Variants in RBFOX1 observed in about 807,000 individuals in gnomAD.
RBFOX1 encodes the protein RNA binding protein fox-1 homolog 1.
A neutral mutation model predicts 57.7 loss-of-function variants in RBFOX1; 8 were observed. The ratio of observed to expected loss-of-function variants is 0.14; its 90% CI spans 0.08 to 0.25. The LOEUF is 0.25. Among genes scored for constraint, RBFOX1 ranks in the 10% least tolerant of loss-of-function variants. The probability of loss-of-function intolerance (pLI) is 1.00; values close to 1 mark genes in which losing one functional copy is unlikely to be tolerated. For synonymous variants in RBFOX1, 326 were observed against 222.4 expected (o/e 1.47, Z -4.15); for missense variants, 611 against 548.5 (o/e 1.11, Z -1.14).
chr16:7,434,352 G>A (rs1158726897), intron 4 of RBFOX1, among the ~76,000 whole-genome samples: 2 of 151,980 alleles, frequency 1.3e-5, no homozygotes, highest in Non-Finnish European at 2.9e-5. Context: ...GGCGCCAGTA[G>A]TCCCAGCTAC....
At chr16:6,772,629 G>C (rs1488041010) in intron 3 of RBFOX1, among the ~76,000 whole-genome samples, 1 of 148,202 alleles carries the variant, frequency 6.7e-6, no homozygotes, top group African/African-American at 2.6e-5. Flanking sequence ...GTATGTGTGA[G>C]TGTGGGGTGC....
At chr16:6,741,389 G>A (rs577795161) in intron 3 of RBFOX1, among the ~76,000 whole-genome samples, 7 of 152,074 alleles carry the variant, frequency 4.6e-5, no homozygotes, top group Non-Finnish European at 8.8e-5. Context: ...TTGGCTGGAC[G>A]GGGTGGCTCA....
intron 1 of RBFOX1, among the ~76,000 whole-genome samples, chr16:6,136,211 A>T (rs1022629923): frequency 1.3e-5 from 2 of 152,094 alleles, no homozygotes; most frequent in African/African-American, 2.4e-5. Flanking sequence ...TTCGGAGGCG[A>T]TGTGTACTTG....
chr16:6,015,090 C>G (rs1174519639), upstream of RBFOX1, among the ~76,000 whole-genome samples: 1 of 152,140 alleles, frequency 6.6e-6, no homozygotes, highest in East Asian at 1.9e-4. Flanking sequence ...CTCCTAGGCT[C>G]AAGCAGTCTG....
chr16:7,036,839 G>A (rs1182408792), intron 3 of RBFOX1, among the ~76,000 whole-genome samples: 1 of 152,212 alleles, frequency 6.6e-6, no homozygotes, highest in Non-Finnish European at 1.5e-5. Context: ...CAGAGTGGAT[G>A]AAGGGCAGAG....
chr16:7,122,665 C>G (rs1017925666), intron 4 of RBFOX1, among the ~76,000 whole-genome samples: 2 of 151,988 alleles, frequency 1.3e-5, no homozygotes, highest in African/African-American at 4.8e-5. Context: ...TTTGACAGTC[C>G]GTTACAAAGT....
intron 2 of RBFOX1, among the ~76,000 whole-genome samples, chr16:5,597,395 C>CTTTT (rs35058375): frequency 7.9e-5 from 9 of 114,368 alleles, no homozygotes; most frequent in African/African-American, 2.4e-4. Flanking sequence ...AGCTTGCTGA[C>CTTTT]TTTTTTTTTT....
intron 11 of RBFOX1, among the ~76,000 whole-genome samples, chr16:7,644,884 C>G (rs1402053857): frequency 6.6e-6 from 1 of 152,136 alleles, no homozygotes; most frequent in African/African-American, 2.4e-5. Flanking sequence ...GATGTTTGAA[C>G]TGAGAACTGA....
chr16:6,042,239 T>C (rs1188717786), intron 1 of RBFOX1, among the ~76,000 whole-genome samples: 2 of 140,248 alleles, frequency 1.4e-5, no homozygotes, highest in Admixed American at 7.1e-5. Flanking sequence ...TAGCTGGGAC[T>C]ACAGGCACAC....
intron 4 of RBFOX1, among the ~76,000 whole-genome samples, chr16:7,436,308 C>G (rs1045230631): frequency 2.6e-5 from 4 of 152,166 alleles, no homozygotes; most frequent in Non-Finnish European, 4.4e-5. Context: ...TTCCCATCCT[C>G]TTTCATTGTA....
At chr16:6,404,651 T>C (rs1016405184) in intron 2 of RBFOX1, among the ~76,000 whole-genome samples, 15 of 152,108 alleles carry the variant, frequency 9.9e-5, no homozygotes, top group African/African-American at 3.6e-4. Flanking sequence ...GGACGCATCA[T>C]CCCTTCAGTG....
Position 6,340,232 on chromosome 16 carries a change from G to A in RBFOX1, c.-64+23175G>A, listed in dbSNP as rs144488413. 5.7e-4 allele frequency among the ~76,000 whole-genome samples: 87 copies of A among 152,202 alleles called. No individual in the cohort carries two copies. In the East Asian group the frequency reaches 0.014, roughly 24 times the overall value. ...TAAGGGGTCACGAAACAGGCCGTCC[G>A]ACTATCTGCAGCAAGGGGACAGGAA... On this transcript the variant is annotated intron_variant, in intron 2 of 15. Coordinates refer to ENST00000550418, the MANE Select transcript of RBFOX1 (RefSeq NM_018723.4).
chr16:5,719,303 G>T (rs1026861679), intron 3 of RBFOX1, among the ~76,000 whole-genome samples: 1 of 148,226 alleles, frequency 6.7e-6, no homozygotes, highest in Admixed American at 6.8e-5. Flanking sequence ...CCTGGTTCAC[G>T]CCATTCTCCT....
intron 2 of RBFOX1, among the ~76,000 whole-genome samples, chr16:6,626,576 A>G (rs1601911207): frequency 6.6e-6 from 1 of 152,176 alleles, no homozygotes; most frequent in South Asian, 2.1e-4. Flanking sequence ...CCTGGCCAAC[A>G]TGGTGAAACC....
intron 3 of RBFOX1, among the ~76,000 whole-genome samples, chr16:6,820,002 G>A (rs372144438): frequency 4.6e-5 from 7 of 152,092 alleles, no homozygotes; most frequent in African/African-American, 1.7e-4. Context: ...TTGAATTGTA[G>A]TTCCCATAAT....
chr16:5,899,797 G>C (rs1057349138), intron 4 of RBFOX1, among the ~76,000 whole-genome samples: 3 of 152,188 alleles, frequency 2.0e-5, no homozygotes, highest in Admixed American at 2.0e-4. Flanking sequence ...TTGATGGCCC[G>C]GCATGGTGGC....
intron 2 of RBFOX1, among the ~76,000 whole-genome samples, chr16:6,317,348 CT>C (rs1486517491): frequency 7.2e-5 from 11 of 152,058 alleles, no homozygotes; most frequent in South Asian, 2.1e-4. Flanking sequence ...TTTTTGGTTT[CT>C]TTTTTTCTCC....
chr16:6,548,206 T>A (rs1211473346), intron 2 of RBFOX1, among the ~76,000 whole-genome samples: 1 of 152,228 alleles, frequency 6.6e-6, no homozygotes, highest in Admixed American at 6.5e-5. Flanking sequence ...CCTTTATTTA[T>A]AATCTCCATC....
intron 4 of RBFOX1, among the ~76,000 whole-genome samples, chr16:7,113,588 T>A (rs1034673374): frequency 6.6e-6 from 1 of 152,188 alleles, no homozygotes; most frequent in East Asian, 1.9e-4. Context: ...ACATGATGAA[T>A]GTATGCAAAT....
Sources: gnomAD v4.1 joint callset for allele counts (sites outside exome capture counted in the v4.1 genomes callset) on GRCh38, gnomAD v4.1.1 for gene constraint, MANE v1.5 for transcripts, NCBI Gene and HGNC (gene_info 2026-07-23, HGNC 2026-07-21) for gene names.